NPAS2: variants seen among roughly 807,000 people sequenced by gnomAD.
NPAS2 encodes neuronal PAS domain protein 2.
NPAS2 carries 23 observed loss-of-function variants against 107.5 expected under a neutral mutation model. That is an observed-to-expected ratio of 0.21 (90% CI 0.15 to 0.30). The LOEUF (loss-of-function observed/expected upper bound fraction) is 0.30, where lower values mean the gene tolerates loss of function less well. NPAS2 is among the 10% of genes least tolerant of loss of function. NPAS2 has a pLI of 1.00. For synonymous variants in NPAS2, 403 were observed against 417.5 expected (o/e 0.97, Z 0.42); for missense variants, 756 against 1,043.3 (o/e 0.72, Z 3.79).
intron 5 of NPAS2, among the ~76,000 whole-genome samples, chr2:100,943,977 G>A (rs1674735895): frequency 6.6e-6 from 1 of 152,136 alleles, no homozygotes; most frequent in African/African-American, 2.4e-5. Context: ...GCATTTTGAT[G>A]AACAGAGATT....
chr2:100,857,298 C>CA (rs11312399), intron 1 of NPAS2, among the ~76,000 whole-genome samples: 20,481 of 87,644 alleles, frequency 0.23, 1,821 homozygotes, highest in Middle Eastern at 0.39. Context: ...AACTCCTTCT[C>CA]AAAAAAAAAA....
chr2:100,989,950 C>T (rs1678015326), intron 17 of NPAS2: 1 of 358,388 alleles, frequency 2.8e-6, no homozygotes, highest in Non-Finnish European at 5.1e-6. Context: ...AGGAGTAGGC[C>T]TGGTGAGTTG....
At chr2:100,849,248 G>A (rs1393589314) in intron 1 of NPAS2, among the ~76,000 whole-genome samples, 1 of 152,190 alleles carries the variant, frequency 6.6e-6, no homozygotes, top group Non-Finnish European at 1.5e-5. Flanking sequence ...CTTTGGTTCT[G>A]TTTAGCTGAG....
chr2:100,928,816 TA>T (rs1240779236), intron 3 of NPAS2, among the ~76,000 whole-genome samples: 1 of 152,226 alleles, frequency 6.6e-6, no homozygotes, highest in East Asian at 1.9e-4. Context: ...ATACTGACCG[TA>T]AGCATCTGTT....
chr2:100,929,704 G>T (rs1180789254), intron 3 of NPAS2, among the ~76,000 whole-genome samples: 1 of 152,214 alleles, frequency 6.6e-6, no homozygotes, highest in Non-Finnish European at 1.5e-5. Flanking sequence ...GCTGTTTGTT[G>T]TAGAGGGTGG....
At chr2:100,842,081 G>GCGCACGCGCACACACACACACA in intron 1 of NPAS2, among the ~76,000 whole-genome samples, 7 of 148,798 alleles carry the variant, frequency 4.7e-5, no homozygotes, top group Non-Finnish European at 1.0e-4. Flanking sequence ...GCATGTACGC[G>GCGCACGCGCACACACACACACA]CACACACACA....
At chr2:100,819,150 GAA>G (rs377474079), upstream of NPAS2, among the ~76,000 whole-genome samples, 5 of 143,466 alleles carry the variant, frequency 3.5e-5, no homozygotes, top group Non-Finnish European at 7.7e-5. The surrounding 1 kb of genome is among the most constrained non-coding windows in gnomAD (Gnocchi z 5.8). Context: ...TCCCACAGAG[GAA>G]AAAAAAAAAA....
At chr2:100,984,602 CTG>C (rs1677669385) in intron 16 of NPAS2, 1 of 151,080 alleles carries the variant, frequency 6.6e-6, no homozygotes, top group Non-Finnish European at 1.5e-5. Context: ...TTTGTTTTCT[CTG>C]ATAACTTTTC....
chr2:100,891,324 C>T (rs1411152339), intron 1 of NPAS2, among the ~76,000 whole-genome samples: 3 of 151,326 alleles, frequency 2.0e-5, no homozygotes, highest in Non-Finnish European at 2.9e-5. Context: ...GCATTGGACA[C>T]GCATGACCAC....
chr2:100,880,523 G>A (rs1001680599), intron 1 of NPAS2, among the ~76,000 whole-genome samples: 1 of 152,100 alleles, frequency 6.6e-6, no homozygotes, highest in Non-Finnish European at 1.5e-5. Context: ...AATGAAAGAC[G>A]CCATGGCAAA....
chr2:100,863,363 A>G (rs1169272082), intron 1 of NPAS2, among the ~76,000 whole-genome samples: 1 of 151,880 alleles, frequency 6.6e-6, no homozygotes, highest in African/African-American at 2.4e-5. Context: ...TTTGATGGGA[A>G]CCCCATGCAG....
intron 2 of NPAS2, among the ~76,000 whole-genome samples, chr2:100,916,313 T>A (rs541791952): frequency 2.4e-4 from 36 of 152,286 alleles, no homozygotes; most frequent in Admixed American, 3.3e-4. Context: ...TTCCAATGAT[T>A]TTTTTCAGTA....
At chr2:100,949,671 C>A (rs975578111) in intron 7 of NPAS2, among the ~76,000 whole-genome samples, 191 bp downstream of exon 7, 2 of 152,158 alleles carry the variant, frequency 1.3e-5, no homozygotes, top group African/African-American at 2.4e-5. Context: ...GAACACACTC[C>A]CACACCTGTT....
At chr2:100,901,970 G>A (rs1681814260) in intron 1 of NPAS2, among the ~76,000 whole-genome samples, 1 of 152,050 alleles carries the variant, frequency 6.6e-6, no homozygotes, top group Admixed American at 6.6e-5. Context: ...TGTTCACTCT[G>A]GGGGTTCATC....
At chr2:100,819,878 GCTGCGGCGGCCTGGGGA>G (rs1675956386), upstream of NPAS2, among the ~76,000 whole-genome samples, 1 of 152,082 alleles carries the variant, frequency 6.6e-6, no homozygotes, top group Non-Finnish European at 1.5e-5. This position sits in a 1 kb window ranked among gnomAD's most constrained non-coding sequence, Gnocchi z 5.8. Flanking sequence ...CCCAGCAGAG[GCTGCGGCGGCCTGGGGA>G]CTCGCGGGTG....
chr2:100,943,794 C>G (rs1674722702), intron 5 of NPAS2, among the ~76,000 whole-genome samples: 1 of 152,208 alleles, frequency 6.6e-6, no homozygotes, highest in Non-Finnish European at 1.5e-5. Context: ...GGGACCTCAT[C>G]CATGGGTCTG....
intron 1 of NPAS2, chr2:100,847,202 A>G (rs1677828063): frequency 6.6e-6 from 1 of 152,154 alleles, no homozygotes; most frequent in Non-Finnish European, 1.5e-5. Flanking sequence ...AACAGGGAGG[A>G]TGATGGTAGT....
At chr2:100,835,941 C>T (rs761630844) in intron 1 of NPAS2, among the ~76,000 whole-genome samples, 5 of 152,164 alleles carry the variant, frequency 3.3e-5, no homozygotes, top group African/African-American at 7.2e-5. Context: ...AAGATATTAC[C>T]GACTTTTGAG....
chr2:100,924,733 G>C (rs906068350), intron 2 of NPAS2, among the ~76,000 whole-genome samples: 1 of 152,182 alleles, frequency 6.6e-6, no homozygotes, highest in Admixed American at 6.5e-5. Context: ...GCCACCCCGT[G>C]GGCCCTGGAA....
Sources: gnomAD v4.1 joint callset for allele counts (sites outside exome capture counted in the v4.1 genomes callset) on GRCh38, gnomAD v4.1.1 for gene constraint, Gnocchi (gnomAD v3.1) non-coding constraint, MANE v1.5 for transcripts, NCBI Gene and HGNC (gene_info 2026-07-23, HGNC 2026-07-21) for gene names.